Variants in DLC1 observed in about 807,000 individuals in gnomAD.
The protein encoded by DLC1 is rho GTPase-activating protein 7.
DLC1 carries 54 observed loss-of-function variants against 140.3 expected under a neutral mutation model. That is an observed-to-expected ratio of 0.38 (90% CI 0.31 to 0.48). The LOEUF (loss-of-function observed/expected upper bound fraction) is 0.48. DLC1 is among the 20% of genes least tolerant of loss of function. DLC1 has a pLI of 0.96. For synonymous variants in DLC1, 986 were observed against 728.1 expected (o/e 1.35, Z -5.70); for missense variants, 2,536 against 1,907.0 (o/e 1.33, Z -6.14).
chr8:13,532,862 C>T (rs567545309), intron 1 of DLC1, among the ~76,000 whole-genome samples: 20 of 152,236 alleles, frequency 1.3e-4, no homozygotes, highest in African/African-American at 3.9e-4. Flanking sequence ...TGTACTTGGC[C>T]ATTTGCAAAA....
intron 4 of DLC1, among the ~76,000 whole-genome samples, chr8:13,347,823 G>A (rs1729125): frequency 0.54 from 82,451 of 151,934 alleles, 22,511 homozygotes; most frequent in Admixed American, 0.63. Context: ...CAGGGAAAGG[G>A]CATTAAAACA....
At chr8:13,457,700 A>AAT (rs1467932277) in intron 2 of DLC1, among the ~76,000 whole-genome samples, 1 of 150,516 alleles carries the variant, frequency 6.6e-6, no homozygotes, top group Non-Finnish European at 1.5e-5. Context: ...AAAAAAAAAA[A>AAT]AGAAATAAAA....
Position 13,538,202 on chromosome 8 carries a change from A to G in DLC1, c.-125-38006T>C, listed in dbSNP as rs542063753. 3.0e-3 allele frequency among the ~76,000 whole-genome samples: 450 copies of G among 152,188 alleles called. 1 individual carries two copies. Among genetic ancestry groups the G allele is most frequent in the South Asian group, 4.6e-3 (22 of 4,824 alleles). On this transcript the variant is annotated intron_variant, in intron 1 of 1. Transcript: ENST00000631382. ...TGGGAGCAGAGATAATATGACGACC[A>G]CCTGAGCTTTCATGCTGTTTTTCTC...
chr8:13,163,306 G>A (rs902709282), intron 5 of DLC1, among the ~76,000 whole-genome samples: 1 of 152,146 alleles, frequency 6.6e-6, no homozygotes, highest in Non-Finnish European at 1.5e-5. Flanking sequence ...TAAATTGCAT[G>A]CTCAGCTGAT....
intron 2 of DLC1, among the ~76,000 whole-genome samples, chr8:13,468,432 G>T (rs1368308644): frequency 6.9e-6 from 1 of 145,712 alleles, no homozygotes; most frequent in Non-Finnish European, 1.5e-5. Context: ...CCAGGCCGGA[G>T]TATGGTGGTG....
intron 2 of DLC1, among the ~76,000 whole-genome samples, chr8:13,426,473 C>G (rs920056942): frequency 1.3e-5 from 2 of 152,132 alleles, no homozygotes; most frequent in African/African-American, 4.8e-5. Context: ...TAAATACCTT[C>G]TTTTTATCTC....
Position 13,102,857 on chromosome 8 carries a change from T to C in DLC1, c.1503-4A>G, listed in dbSNP as rs1440423900. 3.7e-6 allele frequency: 6 copies of C among 1,613,484 alleles called. No individual in the cohort carries two copies. The highest frequency in any genetic ancestry group is 1.3e-5 in the African/African-American group (1 of 75,016). On this transcript the variant is annotated splice_polypyrimidine_tract_variant and splice_region_variant and intron_variant, in intron 7 of 17. Transcript: ENST00000276297. ...TTTGTTTAAAGTATTTAGACGCCTATAGAGCAAAGAAATAACGTTAGCAAA... is the reference window on the plus strand; with the variant it reads ...TTTGTTTAAAGTATTTAGACGCCTACAGAGCAAAGAAATAACGTTAGCAAA...
At chr8:13,340,694 G>A (rs952975003) in intron 4 of DLC1, 2 of 152,186 alleles carry the variant, frequency 1.3e-5, no homozygotes, top group African/African-American at 4.8e-5. Context: ...CATGTGTAGT[G>A]GCTATTGTTT....
At chr8:13,522,426 AC>A (rs1220528463) in intron 1 of DLC1, among the ~76,000 whole-genome samples, 1 of 152,036 alleles carries the variant, frequency 6.6e-6, no homozygotes, top group Non-Finnish European at 1.5e-5. Context: ...GGAGTTCAAG[AC>A]CAGCCTGGCC....
At chr8:13,458,840 A>G (rs1482112058) in intron 2 of DLC1, among the ~76,000 whole-genome samples, 1 of 152,042 alleles carries the variant, frequency 6.6e-6, no homozygotes. Flanking sequence ...GAAAAAAAAA[A>G]AGATGCGCTT....
intron 5 of DLC1, among the ~76,000 whole-genome samples, chr8:13,186,826 TG>T (rs1170243042): frequency 6.6e-6 from 1 of 152,232 alleles, no homozygotes; most frequent in Non-Finnish European, 1.5e-5. Context: ...GACGTACAGA[TG>T]GGGTTTTGAT....
intron 5 of DLC1, among the ~76,000 whole-genome samples, chr8:13,287,009 T>C (rs1348500053): frequency 1.3e-5 from 2 of 152,144 alleles, no homozygotes; most frequent in African/African-American, 4.8e-5. Flanking sequence ...GCCATGGAGA[T>C]TTTTAGCAAA....
chr8:13,309,786 A>G (rs1331545114), intron 4 of DLC1, among the ~76,000 whole-genome samples: 1 of 152,188 alleles, frequency 6.6e-6, no homozygotes, highest in Non-Finnish European at 1.5e-5. Flanking sequence ...CGTAAATAGC[A>G]TCATAAATAA....
At chr8:13,264,078 T>TTATTTATTTATTTATA (rs1830585477) in intron 5 of DLC1, among the ~76,000 whole-genome samples, 2 of 151,750 alleles carry the variant, frequency 1.3e-5, no homozygotes, top group Middle Eastern at 3.4e-3. Flanking sequence ...ATTTATTTAT[T>TTATTTATTTATTTATA]TATTTATTGA....
intron 4 of DLC1, among the ~76,000 whole-genome samples, chr8:13,327,929 C>G (rs527465857): frequency 8.7e-4 from 132 of 152,264 alleles, no homozygotes; most frequent in African/African-American, 2.8e-3. Context: ...TAAATATGAA[C>G]AAGGCAAAGT....
At position 13,283,571 on chromosome 8, in the gene DLC1, A is replaced by G. The variant is rs79372250; in HGVS notation, c.1348+21698T>C. ...CACTCTGTTGCCCAGGCAGGAGTGT[A>G]GTGGTGCGATCTTGGCTCACTGCAA... On this transcript the variant is annotated intron_variant, in intron 5 of 17. Transcript: ENST00000276297. 3.7e-3 allele frequency among the ~76,000 whole-genome samples: 563 copies of G among 152,198 alleles called. 7 individuals are homozygous for G. Among genetic ancestry groups the G allele is most frequent in the African/African-American group, 0.012 (492 of 41,512 alleles).
At chr8:13,245,782 C>G (rs1317913290) in intron 5 of DLC1, among the ~76,000 whole-genome samples, 1 of 152,124 alleles carries the variant, frequency 6.6e-6, no homozygotes, top group Non-Finnish European at 1.5e-5. Flanking sequence ...CTCACTACAA[C>G]CTCAGCTCCC....
intron 5 of DLC1, among the ~76,000 whole-genome samples, chr8:13,123,315 C>T (rs1821263142): frequency 2.0e-5 from 3 of 151,866 alleles, no homozygotes; most frequent in African/African-American, 4.8e-5. Flanking sequence ...TGCCCTGTCC[C>T]CCTGCTCCCT....
At chr8:13,426,594 A>C (rs898041767) in intron 2 of DLC1, among the ~76,000 whole-genome samples, 1 of 152,152 alleles carries the variant, frequency 6.6e-6, no homozygotes, top group African/African-American at 2.4e-5. Flanking sequence ...TTAAAGCTCA[A>C]GTGAGAATTG....
Sources: gnomAD v4.1 joint callset for allele counts (sites outside exome capture counted in the v4.1 genomes callset) on GRCh38, gnomAD v4.1.1 for gene constraint, MANE v1.5 for transcripts, NCBI Gene and HGNC (gene_info 2026-07-23, HGNC 2026-07-21) for gene names.